Variants in MLIP observed in about 807,000 individuals in gnomAD.
MLIP encodes the protein muscular LMNA-interacting protein.
Under a neutral mutation model 84.8 loss-of-function variants are expected in MLIP, and 79 were observed. That is an observed-to-expected ratio of 0.93 (90% CI 0.78 to 1.12). The LOEUF (loss-of-function observed/expected upper bound fraction) is 1.12, where lower values mean the gene tolerates loss of function less well. Ranked by LOEUF, MLIP falls within the 50% of genes most tolerant of loss-of-function variation. The pLI, the probability that MLIP is intolerant of heterozygous loss-of-function variation, is 0.00. For synonymous variants in MLIP, 504 were observed against 463.0 expected, an observed-to-expected ratio of 1.09 and a Z score of -1.14; for missense variants, 1,257 against 1,160.6, an observed-to-expected ratio of 1.08 and a Z score of -1.21.
chr6:54,182,140 A>G (rs1776937404), intron 9 of MLIP, among the ~76,000 whole-genome samples: 1 of 152,118 alleles, frequency 6.6e-6, no homozygotes, highest in African/African-American at 2.4e-5. Flanking sequence ...AGAATCCCAG[A>G]GCACTTTTGC....
rs1771913891 is a variant in MLIP at position 54,137,451 on chromosome 6, C to G, written c.1382C>G (p.Thr461Arg). ...LDQKEKQTPP[T>R]PKKSLSSCSL... Reference sequence around the variant, plus strand: ...CAAAAAGAAAAGCAGACCCCACCCACGCCTAAAAAATCTCTCTCAAGTTGT... The same window carrying G: ...CAAAAAGAAAAGCAGACCCCACCCAGGCCTAAAAAATCTCTCTCAAGTTGT... The change falls in exon 4 of 14, where the codon ACG becomes AGG. Residue 461 changes from threonine to arginine, a missense_variant. Physicochemically the swap from Thr to Arg is moderately conservative, Grantham distance 71. Transcript: ENST00000502396. The G allele has an allele frequency of 6.5e-7, 1 of 1,535,960 alleles. No homozygotes were observed. Among genetic ancestry groups the G allele is most frequent in the African/African-American group, 1.4e-5 (1 of 73,014 alleles).
chr6:54,035,620 A>G (rs1050526502), intron 1 of MLIP, among the ~76,000 whole-genome samples: 2 of 151,998 alleles, frequency 1.3e-5, no homozygotes, highest in Admixed American at 1.3e-4. Context: ...CTATGTCCTC[A>G]CCAGCATTTG....
At position 54,068,208 on chromosome 6, in the gene MLIP, C is replaced by T. The variant is rs368308003; in HGVS notation, c.63+49117C>T. 1.1e-3 allele frequency among the ~76,000 whole-genome samples: 103 copies of T among 92,472 alleles called. 12 individuals carry two copies. Among genetic ancestry groups the T allele is most frequent in the African/African-American group, 2.6e-3 (96 of 37,262 alleles). The allele number at this position is 92,472 out of a possible 152,430, so 60.7% of individuals were successfully genotyped here. On this transcript the variant is annotated intron_variant, in intron 1 of 12. Coordinates refer to the MLIP transcript ENST00000274897. ...CTGGAATACAGTGGCATAATCTCGG[C>T]TTATTGCAACCTCCGCCTCCTGAGT...
intron 12 of MLIP, among the ~76,000 whole-genome samples, chr6:54,234,372 A>C (rs1397484348): frequency 6.6e-6 from 1 of 152,042 alleles, no homozygotes; most frequent in African/African-American, 2.4e-5. Flanking sequence ...AATGAAAAAC[A>C]TATAAAAGTT....
chr6:54,141,774 T>G (rs1561975959), intron 4 of MLIP, among the ~76,000 whole-genome samples: 1 of 152,196 alleles, frequency 6.6e-6, no homozygotes, highest in African/African-American at 2.4e-5. Flanking sequence ...GTGGTCCATA[T>G]GGAAATTAGG....
chr6:54,050,685 G>A (rs939533379), intron 1 of MLIP, among the ~76,000 whole-genome samples: 3 of 151,972 alleles, frequency 2.0e-5, no homozygotes, highest in Non-Finnish European at 2.9e-5. Flanking sequence ...ACATAAAATC[G>A]TGGAAGAGAA....
upstream of MLIP, chr6:54,111,321 A>C (rs1488956575): frequency 7.9e-7 from 1 of 1,270,444 alleles, no homozygotes; most frequent in Non-Finnish European, 1.0e-6. Flanking sequence ...ACAGAAATCT[A>C]CTCTTCGGAG....
At position 54,121,465 on chromosome 6, in the gene MLIP, G is replaced by A; in HGVS notation, c.115G>A (p.Glu39Lys). ...TTPQVSAGGS[E>K]AKPLIFTFVP... ...CTCATAGGTCTCTGCTGGTGGTTCTGAAGCCAAACCTCTGATCTTCACATT... is the reference window on the plus strand; with the variant it reads ...CTCATAGGTCTCTGCTGGTGGTTCTAAAGCCAAACCTCTGATCTTCACATT... The change falls in exon 2 of 14, where the codon GAA (glutamate) becomes AAA (lysine). Residue 39 changes from glutamate to lysine, a missense_variant. Transcript: ENST00000502396. The A allele has an allele frequency of 6.2e-7, 1 of 1,614,042 alleles. No individual in the cohort carries two copies. The highest frequency in any genetic ancestry group is 8.5e-7 in the Non-Finnish European group (1 of 1,179,990).
intron 1 of MLIP, among the ~76,000 whole-genome samples, chr6:54,032,874 G>A (rs1430950746): frequency 6.6e-6 from 1 of 152,088 alleles, no homozygotes; most frequent in Non-Finnish European, 1.5e-5. Context: ...TTTTAGATTG[G>A]TATCTATCAA....
chr6:54,251,735 AAT>A (rs1562108616), intron 12 of MLIP, among the ~76,000 whole-genome samples: 2 of 103,056 alleles, frequency 1.9e-5, no homozygotes, highest in African/African-American at 4.3e-5. Context: ...ATATGATATA[AAT>A]ATATATAATA....
At chr6:54,093,674 T>C (rs1768016093) in intron 1 of MLIP, among the ~76,000 whole-genome samples, 2 of 152,332 alleles carry the variant, frequency 1.3e-5, no homozygotes, top group South Asian at 4.1e-4. Flanking sequence ...ATTGCTCTAT[T>C]GGAAATCAGG....
intron 4 of MLIP, among the ~76,000 whole-genome samples, chr6:54,139,643 C>T (rs929207506): frequency 8.5e-5 from 13 of 152,070 alleles, no homozygotes; most frequent in African/African-American, 2.2e-4. Flanking sequence ...AGTTTTGTAA[C>T]TATATGAAGT....
At chr6:54,245,153 C>T (rs906538294) in intron 12 of MLIP, among the ~76,000 whole-genome samples, 1 of 152,064 alleles carries the variant, frequency 6.6e-6, no homozygotes, top group Non-Finnish European at 1.5e-5. Context: ...GCCACCTGTC[C>T]CTTCTCCTTC....
chr6:54,225,297 C>T (rs1780501345), intron 11 of MLIP, among the ~76,000 whole-genome samples: 2 of 152,124 alleles, frequency 1.3e-5, no homozygotes, highest in South Asian at 4.1e-4. Flanking sequence ...TAGCCTATTG[C>T]TCCTAGGCTA....
At chr6:54,083,178 C>T (rs1050200346) in intron 1 of MLIP, among the ~76,000 whole-genome samples, 1 of 151,882 alleles carries the variant, frequency 6.6e-6, no homozygotes, top group Non-Finnish European at 1.5e-5. Flanking sequence ...AACCCTAAGT[C>T]ATGTAATATA....
chr6:54,100,842 G>A (rs1157200118), intron 1 of MLIP, among the ~76,000 whole-genome samples: 4 of 152,084 alleles, frequency 2.6e-5, no homozygotes, highest in African/African-American at 4.8e-5. Context: ...CTCCCAGACT[G>A]TGAAAACACA....
chr6:54,166,581 C>CT (rs1373084066), intron 8 of MLIP, among the ~76,000 whole-genome samples: 1 of 151,760 alleles, frequency 6.6e-6, no homozygotes, highest in East Asian at 1.9e-4. Flanking sequence ...CTCTATCTCC[C>CT]TTTTTTATTA....
chr6:54,107,555 T>G (rs1267087876), upstream of MLIP, among the ~76,000 whole-genome samples: 1 of 152,204 alleles, frequency 6.6e-6, no homozygotes, highest in East Asian at 1.9e-4. Flanking sequence ...TGAGCAGAAG[T>G]GTCCCAGTGT....
intron 10 of MLIP, among the ~76,000 whole-genome samples, chr6:54,195,869 T>A (rs1027918818): frequency 6.6e-6 from 1 of 152,102 alleles, no homozygotes; most frequent in African/African-American, 2.4e-5. Context: ...GTATTAAGAG[T>A]TTTATTGCAT....
Sources: allele counts gnomAD v4.1 joint callset (sites outside exome capture counted in the v4.1 genomes callset), GRCh38; gene constraint gnomAD v4.1.1; transcripts MANE v1.5; gene names NCBI Gene and HGNC (gene_info 2026-07-23, HGNC 2026-07-21).